Variants in ATP2B2 observed in about 807,000 individuals in gnomAD.
ATP2B2 encodes the protein plasma membrane calcium-transporting ATPase 2.
A neutral mutation model predicts 120.0 loss-of-function variants in ATP2B2; 15 were observed. The ratio of observed to expected loss-of-function variants is 0.12; its 90% CI spans 0.08 to 0.19. ATP2B2 has a LOEUF of 0.19. ATP2B2 is among the 10% of genes least tolerant of loss of function. ATP2B2 has a pLI of 1.00. For missense variants in ATP2B2, 1,045 were observed against 1,719.8 expected, an observed-to-expected ratio of 0.61 and a Z score of 6.94; for synonymous variants, 694 against 700.3, an observed-to-expected ratio of 0.99 and a Z score of 0.14.
chr3:10,623,258 G>C (rs2125627185), intron 1 of ATP2B2, among the ~76,000 whole-genome samples: 1 of 152,078 alleles, frequency 6.6e-6, no homozygotes, highest in Non-Finnish European at 1.5e-5. Context: ...TGTGGAAATG[G>C]GATCTTGCTA....
intron 2 of ATP2B2, among the ~76,000 whole-genome samples, chr3:10,420,921 C>T (rs2062955739): frequency 6.6e-6 from 1 of 152,228 alleles, no homozygotes; most frequent in Non-Finnish European, 1.5e-5. Flanking sequence ...TGGGGCATGG[C>T]CCGGACCTTG....
intron 2 of ATP2B2, among the ~76,000 whole-genome samples, chr3:10,547,457 C>T (rs754648): frequency 9.7e-4 from 147 of 152,220 alleles, no homozygotes; most frequent in African/African-American, 3.4e-3. Flanking sequence ...GAGAGGAAGT[C>T]GCTGGCCCAC....
In ATP2B2 at chr3:10,401,062, G is replaced by A. The variant is rs201081316; in HGVS notation, c.672C>T (p.Ala224=). Residue 224 remains alanine, a synonymous_variant, in exon 5 of 23, where the codon GCC becomes GCT. Transcript: ENST00000360273. ...CATTGCCCTGGATGAAGAGGCCGTC[G>A]GCAGGGAGGAGGTCACCTGGCAAGA... ...AQVKYGDLLP[A]DGLFIQGNDL... The A allele has an allele frequency of 1.1e-5, 17 of 1,614,036 alleles. No individual in the cohort carries two copies. The East Asian group carries it at 2.0e-4, about 19-fold the overall frequency.
chr3:10,614,059 C>G (rs1465933752), intron 2 of ATP2B2, among the ~76,000 whole-genome samples: 1 of 151,960 alleles, frequency 6.6e-6, no homozygotes, highest in Non-Finnish European at 1.5e-5. Context: ...CCCTGAGCAC[C>G]TTATATAAAG....
At chr3:10,634,365 C>A (rs530387348) in intron 1 of ATP2B2, among the ~76,000 whole-genome samples, 6 of 152,302 alleles carry the variant, frequency 3.9e-5, no homozygotes, top group African/African-American at 1.4e-4. Flanking sequence ...GCCATAGCAC[C>A]ATATCCCAAG....
At chr3:10,670,802 C>A (rs1201632638) in intron 1 of ATP2B2, among the ~76,000 whole-genome samples, 1 of 152,164 alleles carries the variant, frequency 6.6e-6, no homozygotes, top group African/African-American at 2.4e-5. Flanking sequence ...AGAGCAGAAT[C>A]CGGATTGGTA....
At chr3:10,645,127 T>A (rs2070289453) in intron 1 of ATP2B2, among the ~76,000 whole-genome samples, 1 of 152,030 alleles carries the variant, frequency 6.6e-6, no homozygotes, top group Non-Finnish European at 1.5e-5. Context: ...AGAGAGAGAA[T>A]GTGTGACTAT....
chr3:10,332,831 A>T (rs1347346624), intron 22 of ATP2B2, among the ~76,000 whole-genome samples: 1 of 152,144 alleles, frequency 6.6e-6, no homozygotes, highest in East Asian at 1.9e-4. Context: ...CCCTCCCACA[A>T]TTCAGTGGTG....
intron 1 of ATP2B2, among the ~76,000 whole-genome samples, chr3:10,464,266 G>A (rs1291116548): frequency 6.6e-6 from 1 of 152,204 alleles, no homozygotes; most frequent in Non-Finnish European, 1.5e-5. Flanking sequence ...GGGTGCGGGT[G>A]GGGGTGGGGG....
intron 3 of ATP2B2, among the ~76,000 whole-genome samples, chr3:10,404,768 G>A (rs1217539298): frequency 6.6e-6 from 1 of 152,184 alleles, no homozygotes; most frequent in African/African-American, 2.4e-5. Flanking sequence ...CAAAGACTGG[G>A]AGACACAGGT....
intron 16 of ATP2B2, among the ~76,000 whole-genome samples, chr3:10,349,314 G>T (rs2060511875): frequency 6.6e-6 from 1 of 152,118 alleles, no homozygotes; most frequent in Non-Finnish European, 1.5e-5. Flanking sequence ...AATTATCCAG[G>T]CACGTTGACA....
Position 10,326,935 on chromosome 3 carries a change from TC to T in ATP2B2, c.*1878del. 1 of 398,814 alleles carries T rather than the reference TC, an allele frequency of 2.5e-6. No individual in the cohort carries two copies. The highest frequency in any genetic ancestry group is 4.4e-6 in the Non-Finnish European group (1 of 226,056). 24.7% of individuals were successfully genotyped at this position (398,814 alleles called of 1,614,324 possible). On this transcript the variant is annotated 3_prime_UTR_variant, in exon 23 of 23. Transcript: ENST00000360273. ...GGAAGGGGCTGGGCTGACACAGCCA[TC>T]GTGAGGAGGGTCAGCATGAGGAATG...
In ATP2B2 at chr3:10,585,493, G is replaced by GAAAAAAAAAAAAA. The variant is rs60670471; in HGVS notation, c.-415+34411_-415+34423dup. Among the ~76,000 whole-genome samples the GAAAAAAAAAAAAA allele has an allele frequency of 5.3e-3, 150 of 28,506 alleles. 22 individuals carry two copies. The highest frequency in any genetic ancestry group is 0.031 in the East Asian group (12 of 384). 18.7% of individuals were successfully genotyped at this position (28,506 alleles called of 152,430 possible). A position where few individuals can be genotyped will look rare whatever the true frequency, so the allele number is the denominator to read the frequency against. ...TGGGCGACAGAGCGAGACTCCGTCT[G>GAAAAAAAAAAAAA]AAAAAAAAAAAAAAAAAAAAAAAAG... is the stretch of plus-strand genomic sequence containing the variant. On this transcript the variant is annotated intron_variant, in intron 2 of 21. Transcript: ENST00000646379.
chr3:10,587,534 CA>C (rs992463668), intron 2 of ATP2B2, among the ~76,000 whole-genome samples: 10 of 152,080 alleles, frequency 6.6e-5, no homozygotes, highest in Non-Finnish European at 1.2e-4. Context: ...TGCATGCCAC[CA>C]CACCCAGCTA....
At chr3:10,513,167 G>GT (rs2066806909) in intron 3 of ATP2B2, among the ~76,000 whole-genome samples, 1 of 110,386 alleles carries the variant, frequency 9.1e-6, no homozygotes, top group African/African-American at 3.7e-5. Flanking sequence ...TCAGCAGGAG[G>GT]CCCCGGTGTC....
intron 7 of ATP2B2, among the ~76,000 whole-genome samples, 183 bp from the exon 8 acceptor site, chr3:10,385,510 G>A (rs1243819428): frequency 6.6e-6 from 1 of 152,194 alleles, no homozygotes; most frequent in Non-Finnish European, 1.5e-5. Context: ...AGATGCCGCA[G>A]AGGTTGAGGG....
chr3:10,350,630 C>T (rs1049946404), intron 14 of ATP2B2, 53 bp from the exon 15 acceptor site: 47 of 1,577,786 alleles, frequency 3.0e-5, no homozygotes, highest in Non-Finnish European at 3.9e-5. Flanking sequence ...GGCAGACTCC[C>T]CCTGCCTTCA....
chr3:10,562,629 G>A (rs2067928283), intron 2 of ATP2B2, among the ~76,000 whole-genome samples: 1 of 152,174 alleles, frequency 6.6e-6, no homozygotes, highest in South Asian at 2.1e-4. Flanking sequence ...TGCCCAAACA[G>A]TCTTTTTCCT....
intron 1 of ATP2B2, among the ~76,000 whole-genome samples, chr3:10,451,949 C>T (rs2064069642): frequency 6.6e-6 from 1 of 152,226 alleles, no homozygotes; most frequent in African/African-American, 2.4e-5. Flanking sequence ...ATCATCCATC[C>T]AAGGTAAATT....
Sources: gnomAD v4.1 joint callset for allele counts (sites outside exome capture counted in the v4.1 genomes callset) on GRCh38, gnomAD v4.1.1 for gene constraint, MANE v1.5 for transcripts, NCBI Gene and HGNC (gene_info 2026-07-23, HGNC 2026-07-21) for gene names.